The following GATAD1 variants were observed in gnomAD, a reference collection of about 807,000 sequenced individuals.
The protein encoded by GATAD1 is GATA zinc finger domain-containing protein 1.
GATAD1 carries 12 observed loss-of-function variants against 26.5 expected under a neutral mutation model. The ratio of observed to expected loss-of-function variants is 0.45; its 90% CI spans 0.29 to 0.73. The LOEUF (loss-of-function observed/expected upper bound fraction) is 0.73. Ranked by LOEUF, GATAD1 falls within the 30% of genes least tolerant of loss-of-function variation. The pLI, the probability that GATAD1 is intolerant of heterozygous loss-of-function variation, is 0.10. For missense variants in GATAD1, 266 were observed against 342.1 expected, an observed-to-expected ratio of 0.78 and a Z score of 1.75; for synonymous variants, 129 against 133.1, an observed-to-expected ratio of 0.97 and a Z score of 0.21.
intron 3 of GATAD1, among the ~76,000 whole-genome samples, chr7:92,453,853 T>C (rs539282074): frequency 6.6e-6 from 1 of 152,334 alleles, no homozygotes; most frequent in South Asian, 2.1e-4. Flanking sequence ...TACTGCTTCA[T>C]GACTGTGGCT....
the GATAD1 span, chr7:92,489,614 A>G: frequency 9.4e-6 from 11 of 1,170,494 alleles, no homozygotes; most frequent in Middle Eastern, 2.0e-4. Flanking sequence ...TCCCTTGTTT[A>G]TAAATATAGC....
At chr7:92,448,046 C>T in intron 1 of GATAD1, 68 bp downstream of exon 1, 1 of 1,150,008 alleles carries the variant, frequency 8.7e-7, no homozygotes, top group Non-Finnish European at 1.1e-6. Context: ...GACGGGCTGG[C>T]TGGGAGCGGG....
At chr7:92,471,388 G>C in the GATAD1 span, 4 of 152,822 alleles carry the variant, frequency 2.6e-5, no homozygotes, top group Non-Finnish European at 5.9e-5. Context: ...ATAATGATTT[G>C]GCCATCTGAT....
chr7:92,484,911 C>T, the GATAD1 span, among the ~76,000 whole-genome samples: 1 of 152,106 alleles, frequency 6.6e-6, no homozygotes, highest in Non-Finnish European at 1.5e-5. Flanking sequence ...GTTTATTTCA[C>T]CTGGGTGCAG....
the GATAD1 span, chr7:92,487,514 C>A: frequency 6.3e-7 from 1 of 1,589,614 alleles, no homozygotes; most frequent in Non-Finnish European, 8.6e-7. Context: ...GATTTTTTCT[C>A]CTCTTTGGAT....
chr7:92,466,057 A>T, the GATAD1 span, among the ~76,000 whole-genome samples: 1 of 152,148 alleles, frequency 6.6e-6, no homozygotes, highest in Non-Finnish European at 1.5e-5. Context: ...TCATAACATC[A>T]TCTCTACTTC....
Position 92,447,522 on chromosome 7 carries a change from C to G in GATAD1, c.-208C>G, listed in dbSNP as rs112545210. On this transcript the variant is annotated 5_prime_UTR_variant, in exon 1 of 5. In the 5' UTR this introduces an upstream ATG that the reference lacks. Transcript: ENST00000287957. ...TTCCCAGTGCCTCGGGCCAGGGAAT[C>G]CTGGCCTCCGCCTGCGGAGCCGGCG... 2 of 479,030 alleles carry G rather than the reference C, an allele frequency of 4.2e-6. No homozygotes were observed. The highest frequency in any genetic ancestry group is 6.6e-6 in the Non-Finnish European group (2 of 301,880). The allele number at this position is 479,030 out of a possible 1,614,324, so 29.7% of individuals were successfully genotyped here.
chr7:92,481,655 G>A, the GATAD1 span, among the ~76,000 whole-genome samples: 1 of 152,218 alleles, frequency 6.6e-6, no homozygotes, highest in African/African-American at 2.4e-5. Flanking sequence ...GAGAGCTAGT[G>A]TGGGAGCAGT....
the GATAD1 span, among the ~76,000 whole-genome samples, chr7:92,478,712 T>TTCCTTTTCTAACAGAAAA: frequency 3.3e-5 from 5 of 152,168 alleles, no homozygotes; most frequent in African/African-American, 1.2e-4. Flanking sequence ...CCCTCACCCA[T>TTCCTTTTCTAACAGAAAA]TCCAAACCAT....
chr7:92,470,254 C>G, the GATAD1 span: 3 of 773,294 alleles, frequency 3.9e-6, no homozygotes, highest in Admixed American at 1.7e-5. Context: ...ATTTCCGGGA[C>G]GCTGCATTCT....
the GATAD1 span, among the ~76,000 whole-genome samples, chr7:92,495,124 G>T: frequency 6.6e-5 from 10 of 151,310 alleles, no homozygotes; most frequent in East Asian, 1.4e-3. Context: ...CATTATGTTG[G>T]TACTGTTTTG....
the GATAD1 span, chr7:92,469,773 A>G: frequency 1.3e-6 from 1 of 764,324 alleles, no homozygotes; most frequent in East Asian, 2.4e-5. Flanking sequence ...TCCATTGTTC[A>G]GGTACAGGGA....
At chr7:92,469,718 G>T in the GATAD1 span, 2 of 764,176 alleles carry the variant, frequency 2.6e-6, no homozygotes, top group South Asian at 2.7e-5. Context: ...GAAACAAGAG[G>T]TCCTACTAAA....
the GATAD1 span, chr7:92,473,101 A>C: frequency 5.3e-5 from 8 of 152,210 alleles, no homozygotes; most frequent in Admixed American, 5.2e-4. Flanking sequence ...GCAAACAAGA[A>C]TTGAGAGTCA....
chr7:92,470,276 C>T, the GATAD1 span: 1 of 778,554 alleles, frequency 1.3e-6, no homozygotes, highest in South Asian at 1.3e-5. Flanking sequence ...CATAGAAACT[C>T]TTGGTAAGGG....
At chr7:92,494,259 G>A in the GATAD1 span, 1 of 1,447,604 alleles carries the variant, frequency 6.9e-7, no homozygotes, top group Non-Finnish European at 9.7e-7. Context: ...TGTAGCATTT[G>A]TTGGGTTTTG....
the GATAD1 span, chr7:92,489,785 T>C: frequency 6.2e-7 from 1 of 1,614,178 alleles, no homozygotes; most frequent in Non-Finnish European, 8.5e-7. Context: ...TGTTCTTGTG[T>C]AAGTTCTTGG....
chr7:92,481,241 C>T, the GATAD1 span, among the ~76,000 whole-genome samples: 1 of 152,108 alleles, frequency 6.6e-6, no homozygotes, highest in Non-Finnish European at 1.5e-5. Flanking sequence ...CAGAGACATA[C>T]AATCATCAGG....
chr7:92,494,408 AAG>A, the GATAD1 span: 188 of 1,613,674 alleles, frequency 1.2e-4, 1 homozygote, highest in East Asian at 4.1e-3. Flanking sequence ...TAGAGGAAAA[AAG>A]AACATTTTTT....
Sources: gnomAD v4.1 joint callset for allele counts (sites outside exome capture counted in the v4.1 genomes callset) on GRCh38, gnomAD v4.1.1 for gene constraint, MANE v1.5 for transcripts, NCBI Gene and HGNC (gene_info 2026-07-23, HGNC 2026-07-21) for gene names.